SLC39A11: variants seen among roughly 807,000 people sequenced by gnomAD.
SLC39A11 encodes solute carrier family 39 member 11.
In SLC39A11, 33 loss-of-function variants were observed where a neutral mutation model predicts 36.1. The observed-to-expected ratio is 0.91, with a 90% CI of 0.69 to 1.22. The LOEUF (loss-of-function observed/expected upper bound fraction) is 1.22, where lower values mean the gene tolerates loss of function less well. Among genes scored for constraint, SLC39A11 ranks in the 50% most tolerant of loss-of-function variants. The pLI, the probability that SLC39A11 is intolerant of heterozygous loss-of-function variation, is 0.00. For synonymous variants in SLC39A11, 166 were observed against 170.3 expected, an observed-to-expected ratio of 0.97 and a Z score of 0.20; for missense variants, 432 against 430.3, an observed-to-expected ratio of 1.00 and a Z score of -0.03.
intron 6 of SLC39A11, among the ~76,000 whole-genome samples, chr17:72,833,157 A>G (rs1289863184): frequency 6.6e-6 from 1 of 152,230 alleles, no homozygotes; most frequent in Non-Finnish European, 1.5e-5. Flanking sequence ...TCAAATAAAA[A>G]TACTTTTCAG....
At chr17:72,715,445 C>G (rs765025995) in intron 7 of SLC39A11, among the ~76,000 whole-genome samples, 1 of 152,176 alleles carries the variant, frequency 6.6e-6, no homozygotes, top group Non-Finnish European at 1.5e-5. Flanking sequence ...TGCATCCGTG[C>G]AACCTAATAT....
intron 5 of SLC39A11, among the ~76,000 whole-genome samples, chr17:72,912,665 GGT>G (rs2083085731): frequency 6.6e-6 from 1 of 151,930 alleles, no homozygotes; most frequent in Admixed American, 6.6e-5. Context: ...AGAACCTGAG[GGT>G]ACGGGGGTGA....
chr17:72,680,923 T>C (rs1306844620), intron 7 of SLC39A11, among the ~76,000 whole-genome samples: 1 of 152,162 alleles, frequency 6.6e-6, no homozygotes, highest in Non-Finnish European at 1.5e-5. Flanking sequence ...CTGTGAACAG[T>C]GGTGTACACG....
chr17:72,878,292 C>T (rs904735165), intron 5 of SLC39A11, among the ~76,000 whole-genome samples: 4 of 152,226 alleles, frequency 2.6e-5, no homozygotes, highest in Non-Finnish European at 5.9e-5. Flanking sequence ...CTGTCACCTT[C>T]TGCTACCATC....
rs539481106 is a variant in SLC39A11, at chr17:73,039,685, T to C, written c.148-7971A>G. On this transcript the variant is annotated intron_variant, in intron 3 of 9. Coordinates refer to ENST00000255559, the MANE Select transcript of SLC39A11 (RefSeq NM_139177.4). ...GGGGTGAGTAATTGTTTAAAATAAT[T>C]GAGATTTTCATGGGTGTGGAAAAGG... Among the ~76,000 whole-genome samples the C allele has an allele frequency of 2.6e-5, 4 of 152,246 alleles. No homozygotes were observed. In the South Asian group the frequency reaches 8.3e-4, roughly 32 times the overall value.
chr17:73,081,298 A>G (rs2060501985), intron 3 of SLC39A11, among the ~76,000 whole-genome samples: 1 of 152,204 alleles, frequency 6.6e-6, no homozygotes, highest in African/African-American at 2.4e-5. Context: ...AAGAATGACC[A>G]TAATGAAAAA....
rs531196887 is a variant in SLC39A11 at position 72,855,770 on chromosome 17, A to G, written c.431-5966T>C. On this transcript the variant is annotated intron_variant, in intron 5 of 9. Coordinates refer to ENST00000255559, the MANE Select transcript of SLC39A11 (RefSeq NM_139177.4). ...AAATTAGCCAGGCGTGGTGGCGGGC[A>G]CCTGTAGTCCTAGCTACTTGGGAGG... Among the ~76,000 whole-genome samples the G allele has an allele frequency of 7.0e-3, 1,057 of 152,052 alleles. 3 individuals carry two copies. Among genetic ancestry groups the G allele is most frequent in the Non-Finnish European group, 0.012 (797 of 67,972 alleles).
At chr17:73,047,990 A>ATATATATATATAT (rs1287618070) in intron 3 of SLC39A11, among the ~76,000 whole-genome samples, 1 of 58,702 alleles carries the variant, frequency 1.7e-5, no homozygotes, top group Non-Finnish European at 3.0e-5. Flanking sequence ...AAAAAAAAAA[A>ATATATATATATAT]ATATATATAT....
Position 72,698,816 on chromosome 17 carries a change from G to T in SLC39A11, c.671+37834C>A, listed in dbSNP as rs552177049. 2.7e-3 allele frequency among the ~76,000 whole-genome samples: 418 copies of T among 152,180 alleles called. 2 individuals are homozygous for T. Among genetic ancestry groups the T allele is most frequent in the African/African-American group, 9.7e-3 (405 of 41,540 alleles). On this transcript the variant is annotated intron_variant, in intron 7 of 9. Coordinates refer to ENST00000255559, the MANE Select transcript of SLC39A11 (RefSeq NM_139177.4). Reference sequence around the variant, plus strand: ...ACAGCAGTGAAAGGGTAGCTCTGGGGTGTGGAGGTTGGTTCTTTTTTTGTT... The same window carrying T: ...ACAGCAGTGAAAGGGTAGCTCTGGGTTGTGGAGGTTGGTTCTTTTTTTGTT...
intron 7 of SLC39A11, among the ~76,000 whole-genome samples, chr17:72,663,200 T>C (rs531625174): frequency 1.2e-3 from 178 of 152,372 alleles, no homozygotes; most frequent in Non-Finnish European, 2.3e-3. Flanking sequence ...AATTTGTTAA[T>C]TCTCCTTAAC....
chr17:73,079,057 T>C (rs558862468), intron 3 of SLC39A11, among the ~76,000 whole-genome samples: 47 of 152,224 alleles, frequency 3.1e-4, no homozygotes, highest in African/African-American at 1.1e-3. Context: ...ACAGAATATA[T>C]CCTAAAGCAA....
At chr17:73,013,879 G>C (rs1174949575) in intron 4 of SLC39A11, among the ~76,000 whole-genome samples, 2 of 152,146 alleles carry the variant, frequency 1.3e-5, no homozygotes, top group Non-Finnish European at 2.9e-5. Context: ...AGTAGGCATT[G>C]TCACCAATGA....
chr17:72,675,724 C>A (rs1445637435), intron 7 of SLC39A11, among the ~76,000 whole-genome samples: 1 of 152,074 alleles, frequency 6.6e-6, no homozygotes, highest in Non-Finnish European at 1.5e-5. Context: ...ACTCTTGTTG[C>A]CCAGGCTGGA....
At chr17:72,845,928 T>G (rs2079025668) in intron 6 of SLC39A11, among the ~76,000 whole-genome samples, 1 of 151,932 alleles carries the variant, frequency 6.6e-6, no homozygotes, top group African/African-American at 2.4e-5. Context: ...ACTATTATTT[T>G]TGAGACGGAG....
intron 5 of SLC39A11, among the ~76,000 whole-genome samples, chr17:72,869,762 G>A (rs940069678): frequency 2.0e-5 from 3 of 152,138 alleles, no homozygotes; most frequent in Non-Finnish European, 2.9e-5. Flanking sequence ...CCCCATGCCC[G>A]GATAATCCCT....
At chr17:72,871,070 T>G (rs1246857400) in intron 5 of SLC39A11, among the ~76,000 whole-genome samples, 3 of 150,878 alleles carry the variant, frequency 2.0e-5, no homozygotes, top group South Asian at 2.1e-4. Context: ...TTTTTTTTTT[T>G]TTGGTTTTTC....
chr17:72,961,632 A>G (rs1568027973), intron 4 of SLC39A11, among the ~76,000 whole-genome samples: 2 of 152,062 alleles, frequency 1.3e-5, no homozygotes, highest in East Asian at 3.9e-4. Flanking sequence ...GCAAACTATC[A>G]CAAGGACAGA....
chr17:72,772,948 T>C (rs1254483827), intron 6 of SLC39A11, among the ~76,000 whole-genome samples: 1 of 152,034 alleles, frequency 6.6e-6, no homozygotes, highest in Admixed American at 6.5e-5. Flanking sequence ...TAGCTGGGCA[T>C]GGTGGCGAGT....
intron 7 of SLC39A11, among the ~76,000 whole-genome samples, chr17:72,696,917 G>A (rs1430590974): frequency 2.0e-5 from 3 of 152,150 alleles, no homozygotes; most frequent in African/African-American, 4.8e-5. Context: ...CAGCAGCTGC[G>A]TTTTATAGAC....
Sources: allele counts gnomAD v4.1 joint callset (sites outside exome capture counted in the v4.1 genomes callset), GRCh38; gene constraint gnomAD v4.1.1; transcripts MANE v1.5; gene names NCBI Gene and HGNC (gene_info 2026-07-23, HGNC 2026-07-21).